Variants in PEX14 observed in about 807,000 individuals in gnomAD.
The protein encoded by PEX14 is peroxisomal membrane protein PEX14.
In PEX14, 15 loss-of-function variants were observed where a neutral mutation model predicts 49.5. That is an observed-to-expected ratio of 0.30 (90% CI 0.20 to 0.47). The LOEUF is 0.47. Ranked by LOEUF, PEX14 falls within the 20% of genes least tolerant of loss-of-function variation. PEX14 has a pLI of 1.00. For synonymous variants in PEX14, 210 were observed against 212.7 expected (o/e 0.99, Z 0.11); for missense variants, 398 against 494.8 (o/e 0.80, Z 1.86).
intron 4 of PEX14, among the ~76,000 whole-genome samples, chr1:10,614,031 C>T (rs943091131): frequency 2.0e-5 from 3 of 152,358 alleles, no homozygotes; most frequent in Admixed American, 1.3e-4. Context: ...TCTCAGTTCC[C>T]TTGCGGGGTC....
At chr1:10,533,063 G>A (rs893765471) in intron 2 of PEX14, among the ~76,000 whole-genome samples, 4 of 152,156 alleles carry the variant, frequency 2.6e-5, no homozygotes, top group Non-Finnish European at 4.4e-5. Flanking sequence ...AGTTCCTTGC[G>A]GGGAGGGAGG....
chr1:10,573,189 C>T (rs1032787340), intron 3 of PEX14, among the ~76,000 whole-genome samples: 7 of 152,164 alleles, frequency 4.6e-5, no homozygotes, highest in Non-Finnish European at 8.8e-5. Flanking sequence ...TCATGTGGCG[C>T]GTAACTATAT....
chr1:10,630,057 C>T lies in PEX14; in HGVS notation c.*70C>T. 2 of 1,588,246 alleles carry T rather than the reference C, an allele frequency of 1.3e-6. No homozygotes were observed. Among genetic ancestry groups the T allele is most frequent in the Non-Finnish European group, 1.7e-6 (2 of 1,173,746 alleles). ...CCCGTGCGTGGCCATACCCTGCCTC[C>T]CTCTCTGGCCCTGGGAGGGCAGCTT... On this transcript the variant is annotated 3_prime_UTR_variant, in exon 9 of 9. Coordinates refer to ENST00000356607, the MANE Select transcript of PEX14 (RefSeq NM_004565.3). The surrounding 1 kb of genome is among the most constrained non-coding windows in gnomAD (Gnocchi z 4.1).
chr1:10,584,293 C>T (rs1015638999), intron 3 of PEX14, among the ~76,000 whole-genome samples: 2 of 151,980 alleles, frequency 1.3e-5, no homozygotes, highest in African/African-American at 2.4e-5. Flanking sequence ...CAGTGTTAGA[C>T]GTATTAAGTT....
chr1:10,520,153 TTTTTTTTTTG>T (rs1465889276), intron 2 of PEX14, among the ~76,000 whole-genome samples: 4 of 91,914 alleles, frequency 4.4e-5, no homozygotes, highest in African/African-American at 7.2e-5. Context: ...TTCTTCTTTT[TTTTTTTTTTG>T]TTTTTTTAAC....
At chr1:10,484,152 C>A (rs963402989) in intron 1 of PEX14, among the ~76,000 whole-genome samples, 1 of 149,132 alleles carries the variant, frequency 6.7e-6, no homozygotes, top group African/African-American at 2.5e-5. Flanking sequence ...CCCCAGCCTT[C>A]CAGTAGCTGG....
chr1:10,542,142 A>G (rs1427426355), intron 3 of PEX14, among the ~76,000 whole-genome samples: 2 of 152,186 alleles, frequency 1.3e-5, no homozygotes, highest in Non-Finnish European at 2.9e-5. Flanking sequence ...AAAAATTCAA[A>G]CAGTAGAGAA....
At chr1:10,487,092 ATATGGTGATT>A in intron 1 of PEX14, among the ~76,000 whole-genome samples, 1 of 152,058 alleles carries the variant, frequency 6.6e-6, no homozygotes, top group East Asian at 1.9e-4. Context: ...TCTTTTATTA[ATATGGTGATT>A]TATGTTGATT....
chr1:10,549,341 G>A (rs775039792), intron 3 of PEX14, among the ~76,000 whole-genome samples: 4 of 152,156 alleles, frequency 2.6e-5, no homozygotes, highest in Admixed American at 1.3e-4. Flanking sequence ...AGTCACACGC[G>A]GAATTGTGAA....
intron 3 of PEX14, among the ~76,000 whole-genome samples, chr1:10,545,329 C>A (rs941166352): frequency 6.6e-6 from 1 of 152,076 alleles, no homozygotes; most frequent in Non-Finnish European, 1.5e-5. Context: ...CATATAATTT[C>A]TTTTGGGTAC....
intron 3 of PEX14, among the ~76,000 whole-genome samples, chr1:10,543,045 A>G (rs1639063853): frequency 6.6e-6 from 1 of 152,260 alleles, no homozygotes; most frequent in Non-Finnish European, 1.5e-5. Flanking sequence ...GGAAGTTAAT[A>G]AGAGGAAAAA....
At position 10,495,371 on chromosome 1, in the gene PEX14, G is replaced by A. The variant is rs570420156; in HGVS notation, c.84+50G>A. On this transcript the variant is annotated intron_variant, in intron 2 of 8. Transcript: ENST00000356607. The surrounding 1 kb of genome is among the most constrained non-coding windows in gnomAD (Gnocchi z 4.2). ...CACTTTCTAGTAATTAAAATGCCAC[G>A]CGAGTGAAAAGAAACCTTCTGTTCC... 18 of 1,460,618 alleles carry A rather than the reference G, an allele frequency of 1.2e-5. No homozygotes were observed. Among genetic ancestry groups the A allele is most frequent in the South Asian group, 2.3e-5 (2 of 86,578 alleles). 90.5% of individuals were successfully genotyped at this position (1,460,618 alleles called of 1,614,324 possible). A position where few individuals can be genotyped will look rare whatever the true frequency, so the allele number is the denominator to read the frequency against.
At chr1:10,614,436 AG>A (rs1641355291) in intron 4 of PEX14, among the ~76,000 whole-genome samples, 1 of 151,818 alleles carries the variant, frequency 6.6e-6, no homozygotes, top group African/African-American at 2.4e-5. Flanking sequence ...CAGGGACCAC[AG>A]GTGTTTCTTG....
At chr1:10,497,328 C>T (rs945227410) in intron 2 of PEX14, among the ~76,000 whole-genome samples, 9 of 152,182 alleles carry the variant, frequency 5.9e-5, no homozygotes, top group African/African-American at 1.9e-4. Context: ...GCACAGAAAG[C>T]CCCACAGCTC....
chr1:10,605,828 G>A (rs1641110471), intron 4 of PEX14, among the ~76,000 whole-genome samples: 1 of 152,184 alleles, frequency 6.6e-6, no homozygotes, highest in Non-Finnish European at 1.5e-5. Context: ...TTAATTTTGA[G>A]GAAATTGTGT....
intron 2 of PEX14, among the ~76,000 whole-genome samples, chr1:10,496,937 G>C (rs560890999): frequency 6.6e-6 from 1 of 150,938 alleles, no homozygotes; most frequent in Non-Finnish European, 1.5e-5. Context: ...TTGCTCAGAG[G>C]AAAGAAAACA....
chr1:10,609,248 T>TA (rs1418298039), intron 4 of PEX14, among the ~76,000 whole-genome samples: 4 of 152,258 alleles, frequency 2.6e-5, no homozygotes, highest in African/African-American at 9.6e-5. Context: ...TGTGTGGACA[T>TA]ACGTTTTCAT....
chr1:10,477,823 G>T (rs1407520384), intron 1 of PEX14, among the ~76,000 whole-genome samples: 1 of 152,136 alleles, frequency 6.6e-6, no homozygotes, highest in African/African-American at 2.4e-5. Context: ...ATTTCTCCAT[G>T]TGCAAAACAG....
intron 3 of PEX14, among the ~76,000 whole-genome samples, chr1:10,544,831 G>A (rs1047848005): frequency 1.3e-5 from 2 of 151,626 alleles, no homozygotes; most frequent in Non-Finnish European, 2.9e-5. Context: ...GCGTGATTAC[G>A]GTTCACTGCA....
Sources: gnomAD v4.1 joint callset for allele counts (sites outside exome capture counted in the v4.1 genomes callset) on GRCh38, gnomAD v4.1.1 for gene constraint, Gnocchi (gnomAD v3.1) non-coding constraint, MANE v1.5 for transcripts, NCBI Gene and HGNC (gene_info 2026-07-23, HGNC 2026-07-21) for gene names.